Variants in ZDHHC14 observed in about 807,000 individuals in gnomAD.
ZDHHC14 encodes zDHHC palmitoyltransferase 14, also known as palmitoyltransferase ZDHHC14.
Under a neutral mutation model 47.7 loss-of-function variants are expected in ZDHHC14, and 16 were observed. The observed-to-expected ratio is 0.34, with a 90% confidence interval of 0.23 to 0.51. The LOEUF (loss-of-function observed/expected upper bound fraction) is 0.51, where lower values mean the gene tolerates loss of function less well. Among genes scored for constraint, ZDHHC14 ranks in the 20% least tolerant of loss-of-function variants. ZDHHC14 has a pLI of 0.97. For synonymous variants in ZDHHC14, 293 were observed against 278.9 expected (o/e 1.05, Z -0.50); for missense variants, 515 against 662.5 (o/e 0.78, Z 2.44).
chr6:157,399,975 T>C (rs1183856231), intron 1 of ZDHHC14, among the ~76,000 whole-genome samples: 1 of 152,256 alleles, frequency 6.6e-6, no homozygotes, highest in Non-Finnish European at 1.5e-5. Context: ...TCAAAAGCCA[T>C]CAACACTGAG....
At chr6:157,654,532 G>A (rs962924826) in intron 8 of ZDHHC14, among the ~76,000 whole-genome samples, 1 of 152,110 alleles carries the variant, frequency 6.6e-6, no homozygotes, top group African/African-American at 2.4e-5. Context: ...CTGGACGTGG[G>A]CAGCAGCCCA....
intron 3 of ZDHHC14, among the ~76,000 whole-genome samples, chr6:157,595,174 A>ATTTTTTTTTTTTTTTTTTT (rs777568494): frequency 4.8e-5 from 3 of 62,698 alleles, no homozygotes; most frequent in African/African-American, 1.5e-4. Context: ...TCTAGGCTAG[A>ATTTTTTTTTTTTTTTTTTT]TTTTTTTTTT....
chr6:157,535,280 T>A (rs772699887), intron 1 of ZDHHC14, among the ~76,000 whole-genome samples: 2 of 152,212 alleles, frequency 1.3e-5, no homozygotes, highest in African/African-American at 2.4e-5. Flanking sequence ...TTTGGAGACA[T>A]CCCTGTTTAA....
chr6:157,647,816 G>T (rs532110775), intron 7 of ZDHHC14, among the ~76,000 whole-genome samples: 7 of 152,204 alleles, frequency 4.6e-5, no homozygotes, highest in African/African-American at 1.7e-4. Flanking sequence ...GGCCGCAGTC[G>T]TTGATACTGT....
At chr6:157,580,079 G>A (rs1783458091) in intron 2 of ZDHHC14, among the ~76,000 whole-genome samples, 1 of 152,122 alleles carries the variant, frequency 6.6e-6, no homozygotes, top group Non-Finnish European at 1.5e-5. Context: ...CTAGTTTATT[G>A]AGGGTTTTTA....
At chr6:157,632,419 G>A (rs1785787293) in intron 4 of ZDHHC14, 1 of 178,066 alleles carries the variant, frequency 5.6e-6, no homozygotes, top group South Asian at 1.4e-4. Context: ...TCTGGGTGTA[G>A]AAAAAGAATT....
At chr6:157,534,745 C>G (rs540493229) in intron 1 of ZDHHC14, among the ~76,000 whole-genome samples, 16 of 152,140 alleles carry the variant, frequency 1.1e-4, no homozygotes, top group Admixed American at 2.6e-4. Context: ...CACACTACCA[C>G]AGCCAGCTGG....
chr6:157,633,071 G>C (rs910951780), intron 5 of ZDHHC14, among the ~76,000 whole-genome samples, 189 bp downstream of exon 5: 5 of 152,148 alleles, frequency 3.3e-5, no homozygotes, highest in Admixed American at 6.5e-5. Context: ...GACTCAGCCT[G>C]TTTAAATCGA....
intron 1 of ZDHHC14, among the ~76,000 whole-genome samples, chr6:157,517,669 A>G (rs547596772): frequency 6.6e-6 from 1 of 152,232 alleles, no homozygotes; most frequent in Non-Finnish European, 1.5e-5. Flanking sequence ...GTACATCCCA[A>G]ACCGGCGACT....
rs78251308 is a variant in ZDHHC14 at position 157,664,475 on chromosome 6, G to A, written c.1069-8249G>A. On this transcript the variant is annotated intron_variant, in intron 8 of 8. Coordinates refer to ENST00000359775, the MANE Select transcript of ZDHHC14 (RefSeq NM_024630.3). Reference sequence around the variant, plus strand: ...CAGGTACTGGCTAGTCACCTTGAACGTGTGTGGGTTTGTATTATGTTTCGT... The same window carrying A: ...CAGGTACTGGCTAGTCACCTTGAACATGTGTGGGTTTGTATTATGTTTCGT... Among the ~76,000 whole-genome samples, 1,267 of 152,294 alleles carry A rather than the reference G, an allele frequency of 8.3e-3. 20 individuals are homozygous for A. The highest frequency in any genetic ancestry group is 0.029 in the African/African-American group (1,203 of 41,560).
chr6:157,551,863 T>TA (rs765882704), intron 2 of ZDHHC14, among the ~76,000 whole-genome samples: 1 of 152,352 alleles, frequency 6.6e-6, no homozygotes, highest in Admixed American at 6.5e-5. Context: ...CATATGAACT[T>TA]AGTCTATGAC....
chr6:157,466,524 T>G (rs1436976339), intron 1 of ZDHHC14, among the ~76,000 whole-genome samples: 1 of 152,224 alleles, frequency 6.6e-6, no homozygotes, highest in East Asian at 1.9e-4. Context: ...AATAAGACAA[T>G]TTCAACTAAA....
At chr6:157,636,944 G>A (rs1347194679) in intron 5 of ZDHHC14, among the ~76,000 whole-genome samples, 1 of 152,202 alleles carries the variant, frequency 6.6e-6, no homozygotes, top group East Asian at 1.9e-4. Flanking sequence ...TTCCGACAGG[G>A]TGCTTTCTGT....
intron 1 of ZDHHC14, 85 bp downstream of exon 1, chr6:157,382,351 T>G: frequency 6.7e-7 from 1 of 1,490,738 alleles, no homozygotes; most frequent in Admixed American, 2.1e-5. Context: ...TTTCGTTTTC[T>G]AGAAGTCTTA....
chr6:157,426,795 T>C (rs1778230885), intron 1 of ZDHHC14, among the ~76,000 whole-genome samples: 1 of 152,080 alleles, frequency 6.6e-6, no homozygotes, highest in Admixed American at 6.5e-5. Flanking sequence ...TCTACAGAGC[T>C]CAGGAGAGAA....
chr6:157,555,880 C>T (rs1373577967), intron 2 of ZDHHC14, among the ~76,000 whole-genome samples: 1 of 152,196 alleles, frequency 6.6e-6, no homozygotes, highest in Non-Finnish European at 1.5e-5. Context: ...CAGTAGAGAA[C>T]CACTGCTGTA....
At position 157,429,982 on chromosome 6, in the gene ZDHHC14, G is replaced by C. The variant is rs138455010; in HGVS notation, c.245+47716G>C. ...GGGTTAATGGAATCTCTACTCAAGA[G>C]ATCTTGATTGGATAACACGATGTGT... On this transcript the variant is annotated intron_variant, in intron 1 of 8. Coordinates refer to ENST00000359775, the MANE Select transcript of ZDHHC14 (RefSeq NM_024630.3). Among the ~76,000 whole-genome samples, 406 of 152,272 alleles carry C rather than the reference G, an allele frequency of 2.7e-3. 1 individual carries two copies. The highest frequency in any genetic ancestry group is 3.4e-3 in the Middle Eastern group (1 of 294).
chr6:157,495,695 A>ATTTTTT (rs71027341), intron 1 of ZDHHC14, among the ~76,000 whole-genome samples: 10 of 104,344 alleles, frequency 9.6e-5, no homozygotes, highest in African/African-American at 2.9e-4. Flanking sequence ...TTCGGGTTGA[A>ATTTTTT]TTTTTTTTTT....
At chr6:157,656,344 C>CTTTTTTTTTT (rs139902125) in intron 8 of ZDHHC14, among the ~76,000 whole-genome samples, 2 of 150,050 alleles carry the variant, frequency 1.3e-5, no homozygotes, top group Non-Finnish European at 3.0e-5. Context: ...CTTTTCTTTT[C>CTTTTTTTTTT]TTTTTTTTGA....
Sources: allele counts gnomAD v4.1 joint callset (sites outside exome capture counted in the v4.1 genomes callset), GRCh38; gene constraint gnomAD v4.1.1; transcripts MANE v1.5; gene names NCBI Gene and HGNC (gene_info 2026-07-23, HGNC 2026-07-21).